The following ANXA4 variants were observed in gnomAD, a reference collection of about 807,000 sequenced individuals.
ANXA4 encodes 35-beta calcimedin.
ANXA4 carries 39 observed loss-of-function variants against 49.8 expected under a neutral mutation model. The observed-to-expected ratio is 0.78, with a 90% CI of 0.61 to 1.02. The LOEUF (loss-of-function observed/expected upper bound fraction) is 1.02. Ranked by LOEUF, ANXA4 falls within the 50% of genes least tolerant of loss-of-function variation. The pLI is 0.00. For synonymous variants in ANXA4, 134 were observed against 152.5 expected (o/e 0.88, Z 0.89); for missense variants, 360 against 410.1 (o/e 0.88, Z 1.05).
At chr2:69,699,854 G>C (rs1055297565) in intron 2 of ANXA4, among the ~76,000 whole-genome samples, 1 of 152,178 alleles carries the variant, frequency 6.6e-6, no homozygotes, top group Admixed American at 6.6e-5. Flanking sequence ...AGCACATGCT[G>C]TGCAGGTACC....
intron 5 of ANXA4, 86 bp from the exon 6 acceptor site, chr2:69,807,820 A>G: frequency 8.8e-7 from 1 of 1,137,854 alleles, no homozygotes; most frequent in Non-Finnish European, 1.3e-6. Context: ...TTCTCTGCAG[A>G]TTCATGACAG....
rs1246331892 is a variant in ANXA4, at chr2:69,757,195, C to T, written c.-47+15020C>T. On this transcript the variant is annotated intron_variant, in intron 1 of 12. Transcript: ENST00000394295. ...CTGCCCGCCTCAGCCTCCCAAAATGCTGGGATTACAGGTGTGAGCCACCGT... is the reference window on the plus strand; with the variant it reads ...CTGCCCGCCTCAGCCTCCCAAAATGTTGGGATTACAGGTGTGAGCCACCGT... 2.1e-5 allele frequency among the ~76,000 whole-genome samples: 3 copies of T among 143,334 alleles called. No homozygotes were observed. The Admixed American group carries it at 2.1e-4, about 10-fold the overall frequency. 94.0% of individuals were successfully genotyped at this position (143,334 alleles called of 152,430 possible). A position where few individuals can be genotyped will look rare whatever the true frequency, so the allele number is the denominator to read the frequency against.
intron 9 of ANXA4, chr2:69,816,467 T>C: frequency 6.5e-6 from 2 of 306,400 alleles, no homozygotes; most frequent in Non-Finnish European, 1.2e-5. Context: ...CAGTCAGTCC[T>C]TTTTCTAAAG....
intron 2 of ANXA4, among the ~76,000 whole-genome samples, chr2:69,678,610 T>G (rs1677491104): frequency 6.6e-6 from 1 of 152,062 alleles, no homozygotes; most frequent in Non-Finnish European, 1.5e-5. Context: ...TTGCCCAGGC[T>G]GGTCTCCAAC....
chr2:69,653,902 C>G (rs886548163), intron 2 of ANXA4, among the ~76,000 whole-genome samples: 5 of 152,158 alleles, frequency 3.3e-5, no homozygotes, highest in Non-Finnish European at 7.4e-5. Flanking sequence ...AATATTGATT[C>G]TTTCTATCTA....
intron 2 of ANXA4, among the ~76,000 whole-genome samples, chr2:69,694,576 ATG>A (rs1475557904): frequency 8.2e-6 from 1 of 121,788 alleles, no homozygotes; most frequent in Admixed American, 1.1e-4. Flanking sequence ...TCCTGTGTCC[ATG>A]TGTTCTCATT....
chr2:69,692,972 G>A (rs773250680), intron 2 of ANXA4, among the ~76,000 whole-genome samples: 12 of 152,024 alleles, frequency 7.9e-5, no homozygotes, highest in Non-Finnish European at 1.2e-4. Flanking sequence ...TACTGCTAAT[G>A]TGTGTGTGTG....
At chr2:69,685,024 G>T (rs1328872307) in intron 2 of ANXA4, among the ~76,000 whole-genome samples, 1 of 152,116 alleles carries the variant, frequency 6.6e-6, no homozygotes, top group African/African-American at 2.4e-5. Context: ...AATCGTCAGG[G>T]ATATTTGGGG....
chr2:69,664,687 C>A (rs990991188), intron 2 of ANXA4, among the ~76,000 whole-genome samples: 3 of 152,200 alleles, frequency 2.0e-5, no homozygotes, highest in Non-Finnish European at 4.4e-5. Context: ...ACAGTATGTT[C>A]AATCCCATGT....
intron 3 of ANXA4, among the ~76,000 whole-genome samples, chr2:69,727,957 G>A (rs1256398750): frequency 6.6e-6 from 1 of 152,162 alleles, no homozygotes; most frequent in African/African-American, 2.4e-5. Context: ...GAACTGGCCA[G>A]TTAGTTTGTA....
intron 3 of ANXA4, among the ~76,000 whole-genome samples, chr2:69,735,908 G>A (rs1412759849): frequency 3.3e-5 from 5 of 152,100 alleles, no homozygotes; most frequent in African/African-American, 9.7e-5. Context: ...CACATGTCTG[G>A]CACTGAGACA....
chr2:69,794,572 G>GTTATA (rs1158526525), intron 3 of ANXA4, among the ~76,000 whole-genome samples: 2 of 144,568 alleles, frequency 1.4e-5, no homozygotes, highest in African/African-American at 5.1e-5. Context: ...GTTATGTTAT[G>GTTATA]TTATTTTTGA....
At chr2:69,750,001 C>T (rs1670774163) in intron 1 of ANXA4, among the ~76,000 whole-genome samples, 1 of 151,558 alleles carries the variant, frequency 6.6e-6, no homozygotes, top group Non-Finnish European at 1.5e-5. Context: ...TAGGAGGATA[C>T]ACAGGAAAAT....
chr2:69,757,238 T>TTTTATATATATATATATATA (rs1267602375), intron 1 of ANXA4, among the ~76,000 whole-genome samples: 1 of 59,060 alleles, frequency 1.7e-5, no homozygotes, highest in African/African-American at 6.3e-5. Context: ...CATTTTTGTT[T>TTTTATATATATATATATATA]TATATATATA....
At chr2:69,794,982 C>T (rs879551462) in intron 3 of ANXA4, among the ~76,000 whole-genome samples, 3 of 152,210 alleles carry the variant, frequency 2.0e-5, no homozygotes, top group Admixed American at 2.0e-4. Context: ...ATCCTTTCCT[C>T]ACCTGGTGCT....
chr2:69,713,191 AAAG>A lies in ANXA4; in HGVS notation n.767-7580_767-7578del, dbSNP rs560597311. On this transcript the variant is annotated intron_variant and non_coding_transcript_variant, in intron 2 of 3. Coordinates refer to the ANXA4 transcript ENST00000418066. ...AGTCATTATTATGAAGTAAAAAAAA[AAAG>A]AAAATGAAAGGATGGAAGGAAGGTA... 1.9e-3 allele frequency among the ~76,000 whole-genome samples: 289 copies of A among 152,198 alleles called. 2 individuals carry two copies. The highest frequency in any genetic ancestry group is 6.4e-3 in the African/African-American group (264 of 41,500).
In ANXA4 at chr2:69,753,284, A is replaced by C. The variant is rs568723800; in HGVS notation, c.-47+11109A>C. 1.2e-4 allele frequency among the ~76,000 whole-genome samples: 18 copies of C among 152,250 alleles called. No individual in the cohort carries two copies. In the East Asian group the frequency reaches 3.5e-3, roughly 29 times the overall value. On this transcript the variant is annotated intron_variant, in intron 1 of 12. Coordinates refer to ENST00000394295, the MANE Select transcript of ANXA4 (RefSeq NM_001153.5). ...TGGCAGTTTTGGAACTGGGGTCTGA[A>C]AACCACTTGCATAAGAATCAGGGCC... is the stretch of plus-strand genomic sequence containing the variant.
At chr2:69,755,266 G>A (rs1453699752) in intron 1 of ANXA4, among the ~76,000 whole-genome samples, 1 of 152,190 alleles carries the variant, frequency 6.6e-6, no homozygotes, top group Non-Finnish European at 1.5e-5. Context: ...GGAATAGATG[G>A]TGGTGATTGT....
chr2:69,713,913 C>T (rs1170798433), intron 2 of ANXA4: 1 of 152,256 alleles, frequency 6.6e-6, no homozygotes, highest in Non-Finnish European at 1.5e-5. Flanking sequence ...GATGGAGGAA[C>T]ACAAAGGTCG....
Sources: gnomAD v4.1 joint callset for allele counts (sites outside exome capture counted in the v4.1 genomes callset) on GRCh38, gnomAD v4.1.1 for gene constraint, MANE v1.5 for transcripts, NCBI Gene and HGNC (gene_info 2026-07-23, HGNC 2026-07-21) for gene names.